Variants in PDE4B observed in about 807,000 individuals in gnomAD.
The protein encoded by PDE4B is 3',5'-cyclic-AMP phosphodiesterase 4B.
PDE4B carries 20 observed loss-of-function variants against 82.2 expected under a neutral mutation model. The ratio of observed to expected loss-of-function variants is 0.24; its 90% CI spans 0.17 to 0.35. The LOEUF (loss-of-function observed/expected upper bound fraction) is 0.35, where lower values mean the gene tolerates loss of function less well. Among genes scored for constraint, PDE4B ranks in the 10% least tolerant of loss-of-function variants. The pLI is 1.00. For missense variants in PDE4B, 655 were observed against 907.2 expected (o/e 0.72, Z 3.57); for synonymous variants, 320 against 318.9 (o/e 1.00, Z -0.04).
intron 3 of PDE4B, among the ~76,000 whole-genome samples, chr1:66,145,901 G>C (rs1256778173): frequency 6.6e-6 from 1 of 152,076 alleles, no homozygotes; most frequent in Admixed American, 6.5e-5. Flanking sequence ...GTTGAATAAT[G>C]ATCTCTGCTA....
chr1:65,797,481 A>G (rs1446710374), intron 1 of PDE4B, among the ~76,000 whole-genome samples: 2 of 152,200 alleles, frequency 1.3e-5, no homozygotes, highest in Non-Finnish European at 2.9e-5. Flanking sequence ...TTTTGTGGGC[A>G]GTGGTTTCAA....
At chr1:65,883,811 A>G (rs1646738166) in intron 1 of PDE4B, among the ~76,000 whole-genome samples, 1 of 152,112 alleles carries the variant, frequency 6.6e-6, no homozygotes, top group African/African-American at 2.4e-5. Flanking sequence ...AATATCTCTT[A>G]TTATTTTGAG....
At chr1:66,195,511 CCT>C (rs1287393338) in intron 3 of PDE4B, among the ~76,000 whole-genome samples, 1 of 152,078 alleles carries the variant, frequency 6.6e-6, no homozygotes, top group African/African-American at 2.4e-5. Context: ...AGCACCATCC[CCT>C]GTTTTGCTAT....
intron 1 of PDE4B, among the ~76,000 whole-genome samples, chr1:65,873,926 T>G (rs1253788281): frequency 1.3e-5 from 2 of 150,904 alleles, no homozygotes; most frequent in East Asian, 1.9e-4. Flanking sequence ...ATATGAACTT[T>G]AAAGTAGTTT....
chr1:66,274,867 T>G (rs552396052), intron 7 of PDE4B, among the ~76,000 whole-genome samples: 1 of 152,216 alleles, frequency 6.6e-6, no homozygotes, highest in Non-Finnish European at 1.5e-5. Flanking sequence ...GAAAGCCCTG[T>G]TGAGCTCTTT....
chr1:66,084,904 A>T (rs1656927588), intron 3 of PDE4B, among the ~76,000 whole-genome samples: 1 of 152,148 alleles, frequency 6.6e-6, no homozygotes, highest in South Asian at 2.1e-4. Flanking sequence ...AGAGGTACTG[A>T]TCAAGAAACC....
chr1:66,191,910 A>G (rs2101479348), intron 3 of PDE4B, among the ~76,000 whole-genome samples: 1 of 152,250 alleles, frequency 6.6e-6, no homozygotes, highest in Non-Finnish European at 1.5e-5. Flanking sequence ...CACTACCTTG[A>G]GAATAGTATG....
At chr1:66,332,324 C>T (rs1660177740) in intron 7 of PDE4B, 184 bp from the exon 8 acceptor site, 4 of 1,585,174 alleles carry the variant, frequency 2.5e-6, no homozygotes, top group South Asian at 1.1e-5. Flanking sequence ...CCATCCCAGG[C>T]AGAGCACCAC....
chr1:65,839,530 T>G (rs1378981849), intron 1 of PDE4B, among the ~76,000 whole-genome samples: 1 of 152,210 alleles, frequency 6.6e-6, no homozygotes, highest in African/African-American at 2.4e-5. Flanking sequence ...TTTGGTTCTC[T>G]GTTCTTGTGT....
In PDE4B at chr1:66,077,133, T is replaced by G. The variant is rs1299144680; in HGVS notation, c.281+158298T>G. On this transcript the variant is annotated intron_variant, in intron 3 of 16. Transcript: ENST00000341517. ...ATTTCCTAGGTTTTCTTTTAGGATC[T>G]TTGTAGTTTGAGATCTAACATTTAA... 2.6e-5 allele frequency among the ~76,000 whole-genome samples: 4 copies of G among 152,190 alleles called. No homozygotes were observed. The East Asian group carries it at 5.8e-4, about 22-fold the overall frequency.
intron 3 of PDE4B, among the ~76,000 whole-genome samples, chr1:66,211,056 G>T (rs1318076146): frequency 6.6e-6 from 1 of 152,172 alleles, no homozygotes; most frequent in African/African-American, 2.4e-5. Flanking sequence ...TGCTTAAGCA[G>T]TTCCTCCTGA....
intron 3 of PDE4B, among the ~76,000 whole-genome samples, chr1:66,222,475 T>C (rs184296082): frequency 6.6e-6 from 1 of 152,272 alleles, no homozygotes; most frequent in African/African-American, 2.4e-5. Context: ...TCCTTTCTAC[T>C]ATCTTCCTGA....
chr1:66,368,192 T>A (rs1663391874), intron 15 of PDE4B, 127 bp downstream of exon 15: 1 of 844,112 alleles, frequency 1.2e-6, no homozygotes, highest in Non-Finnish European at 1.8e-6. Flanking sequence ...AGCTTAGGGC[T>A]TATTTTAAGA....
chr1:65,840,851 G>A (rs984501665), intron 1 of PDE4B, among the ~76,000 whole-genome samples: 3 of 152,194 alleles, frequency 2.0e-5, no homozygotes, highest in Non-Finnish European at 4.4e-5. Flanking sequence ...TGAATCAAAT[G>A]TTTGTTGTTA....
At chr1:65,927,868 C>T (rs1647595731) in intron 3 of PDE4B, among the ~76,000 whole-genome samples, 1 of 152,124 alleles carries the variant, frequency 6.6e-6, no homozygotes, top group Non-Finnish European at 1.5e-5. Flanking sequence ...ATGTCTATGC[C>T]TATTATGCAC....
chr1:65,922,389 G>T (rs1422647578), intron 3 of PDE4B, among the ~76,000 whole-genome samples: 2 of 152,102 alleles, frequency 1.3e-5, no homozygotes, highest in African/African-American at 4.8e-5. Context: ...ATTATTGGAG[G>T]TTTTAGGGGA....
Position 65,817,286 on chromosome 1 carries a change from A to C in PDE4B, c.-71+24038A>C, listed in dbSNP as rs865882878. Among the ~76,000 whole-genome samples the C allele has an allele frequency of 5.9e-5, 9 of 152,224 alleles. No homozygotes were observed. In the South Asian group the frequency reaches 8.3e-4, roughly 14 times the overall value. Reference sequence around the variant, plus strand: ...TGTAAGGGTGCTGCTTCTTGCATTCAGAACCTTGTTGACAGGGAACCCAAG... The same window carrying C: ...TGTAAGGGTGCTGCTTCTTGCATTCCGAACCTTGTTGACAGGGAACCCAAG... On this transcript the variant is annotated intron_variant, in intron 1 of 16. Transcript: ENST00000341517.
chr1:66,363,717 C>T (rs1348719360), intron 12 of PDE4B, 146 bp downstream of exon 12: 5 of 587,922 alleles, frequency 8.5e-6, no homozygotes, highest in South Asian at 8.1e-5. Context: ...TTCAAGGTTA[C>T]AGTGAGCTAT....
chr1:65,891,779 A>G (rs554435897), intron 1 of PDE4B, among the ~76,000 whole-genome samples: 37 of 152,212 alleles, frequency 2.4e-4, no homozygotes, highest in Non-Finnish European at 4.9e-4. Flanking sequence ...CTTGACATCT[A>G]TATAAATTGT....
Sources: allele counts gnomAD v4.1 joint callset (sites outside exome capture counted in the v4.1 genomes callset), GRCh38; gene constraint gnomAD v4.1.1; transcripts MANE v1.5; gene names NCBI Gene and HGNC (gene_info 2026-07-23, HGNC 2026-07-21).